TRAF3: variants seen among roughly 807,000 people sequenced by gnomAD.
The protein encoded by TRAF3 is TNF receptor associated factor 3, also known as TNF receptor-associated factor 3.
In TRAF3, 13 loss-of-function variants were observed where a neutral mutation model predicts 62.3. The observed-to-expected ratio is 0.21, with a 90% CI of 0.14 to 0.33. The LOEUF is 0.33. TRAF3 is among the 10% of genes least tolerant of loss of function. The pLI is 1.00. For missense variants in TRAF3, 440 were observed against 741.8 expected (o/e 0.59, Z 4.73); for synonymous variants, 269 against 283.4 (o/e 0.95, Z 0.51).
At chr14:102,864,860 C>T (rs949497265) in intron 2 of TRAF3, among the ~76,000 whole-genome samples, 2 of 152,242 alleles carry the variant, frequency 1.3e-5, no homozygotes, top group Non-Finnish European at 1.5e-5. Flanking sequence ...TGCATGACTG[C>T]GTTGGGCTGA....
chr14:102,814,127 C>T (rs1899367470), intron 1 of TRAF3, among the ~76,000 whole-genome samples: 5 of 152,172 alleles, frequency 3.3e-5, no homozygotes, highest in Non-Finnish European at 7.3e-5. Context: ...CACTCTTCTG[C>T]ATATGGATAT....
chr14:102,894,505 C>T (rs1382453734), intron 9 of TRAF3, among the ~76,000 whole-genome samples: 2 of 151,778 alleles, frequency 1.3e-5, no homozygotes, highest in South Asian at 2.1e-4. Context: ...CCTCCTGGGC[C>T]GGTGTTTTGC....
At chr14:102,792,938 T>C (rs1301996339) in intron 1 of TRAF3, among the ~76,000 whole-genome samples, 1 of 151,906 alleles carries the variant, frequency 6.6e-6, no homozygotes, top group African/African-American at 2.4e-5. Flanking sequence ...GCCTCCCCAG[T>C]AGCTGGGATT....
chr14:102,790,415 C>T (rs1367892328), intron 1 of TRAF3, among the ~76,000 whole-genome samples: 1 of 152,164 alleles, frequency 6.6e-6, no homozygotes, highest in Non-Finnish European at 1.5e-5. Flanking sequence ...AGTCTGTTCT[C>T]ATGCTGCTAA....
intron 4 of TRAF3, among the ~76,000 whole-genome samples, chr14:102,873,393 C>T (rs1051092081): frequency 1.2e-4 from 18 of 152,188 alleles, no homozygotes; most frequent in South Asian, 2.1e-4. Flanking sequence ...GGTACTCGGC[C>T]GCCTTGTTAA....
At chr14:102,812,780 A>G (rs894712606) in intron 1 of TRAF3, among the ~76,000 whole-genome samples, 3 of 151,380 alleles carry the variant, frequency 2.0e-5, no homozygotes, top group Non-Finnish European at 4.4e-5. Context: ...TTAGCCGGGC[A>G]CGGTGGCGGG....
intron 10 of TRAF3, among the ~76,000 whole-genome samples, chr14:102,901,942 G>A (rs1443073780): frequency 6.6e-6 from 1 of 152,236 alleles, no homozygotes; most frequent in African/African-American, 2.4e-5. Context: ...ATTGAGCACT[G>A]AACTCTCCAG....
chr14:102,819,012 G>GCCA (rs1369289913), intron 1 of TRAF3, among the ~76,000 whole-genome samples: 4 of 151,116 alleles, frequency 2.6e-5, no homozygotes, highest in African/African-American at 9.7e-5. Context: ...CTGTGATCAT[G>GCCA]CCACTGCACT....
At chr14:102,845,538 C>T (rs1159404550) in intron 2 of TRAF3, among the ~76,000 whole-genome samples, 5 of 140,084 alleles carry the variant, frequency 3.6e-5, no homozygotes, top group East Asian at 2.1e-4. Flanking sequence ...TTTTTCAAGA[C>T]GGAGTCTCCC....
Position 102,908,141 on chromosome 14 carries a change from C to T in TRAF3, c.*2357C>T, listed in dbSNP as rs1890679311. 1 of 152,230 alleles carries T rather than the reference C, an allele frequency of 6.6e-6. No individual in the cohort carries two copies. Among genetic ancestry groups the T allele is most frequent in the African/African-American group, 2.4e-5 (1 of 41,450 alleles). The allele number at this position is 152,230 out of a possible 1,614,324, so 9.4% of individuals were successfully genotyped here. ...CTCTGGGTTGAAGTCCTGGTGTGGC[C>T]CCCAGAAGCAGCAGTGCGTGTCACT... On this transcript the variant is annotated 3_prime_UTR_variant, in exon 12 of 12. Transcript: ENST00000392745.
At chr14:102,864,911 G>A (rs565984641) in intron 2 of TRAF3, among the ~76,000 whole-genome samples, 1 of 152,328 alleles carries the variant, frequency 6.6e-6, no homozygotes, top group South Asian at 2.1e-4. Context: ...AGGGATGGTT[G>A]TTACTGTCTG....
chr14:102,847,715 T>C (rs1886806992), intron 2 of TRAF3, among the ~76,000 whole-genome samples: 1 of 149,684 alleles, frequency 6.7e-6, no homozygotes, highest in Non-Finnish European at 1.5e-5. Flanking sequence ...TCTTCAGCTG[T>C]TACTTTTTCA....
intron 1 of TRAF3, among the ~76,000 whole-genome samples, chr14:102,787,078 C>T (rs1435994553): frequency 6.6e-6 from 1 of 152,134 alleles, no homozygotes; most frequent in East Asian, 1.9e-4. Context: ...ATTTCTCTTC[C>T]CCTTTCCTTT....
Position 102,870,306 on chromosome 14 carries a change from A to G in TRAF3, c.105A>G (p.Glu35=), listed in dbSNP as rs1566786044. Reference sequence around the variant, plus strand: ...CTGGGACGCCAGTTTTTGTCCCTGAACAAGGAGGTTACAAGGAAAAGTTTG... The same window carrying G: ...CTGGGACGCCAGTTTTTGTCCCTGAGCAAGGAGGTTACAAGGAAAAGTTTG... ...RSAGTPVFVP[E]QGGYKEKFVK... The change falls in exon 3 of 12, where the codon GAA becomes GAG. Residue 35 remains glutamate (E), a synonymous_variant. Transcript: ENST00000392745. The G allele has an allele frequency of 6.2e-7, 1 of 1,614,218 alleles. No individual in the cohort carries two copies.
chr14:102,791,932 C>T (rs1897812310), intron 1 of TRAF3, among the ~76,000 whole-genome samples: 1 of 151,928 alleles, frequency 6.6e-6, no homozygotes, highest in African/African-American at 2.4e-5. Flanking sequence ...CTCACCTCAG[C>T]CTCCTGAGTA....
chr14:102,884,762 A>G (rs1017439898), intron 6 of TRAF3, among the ~76,000 whole-genome samples: 11 of 152,000 alleles, frequency 7.2e-5, no homozygotes, highest in African/African-American at 2.7e-4. Context: ...CTGTGAGCCA[A>G]GATTGCACCA....
intron 1 of TRAF3, among the ~76,000 whole-genome samples, chr14:102,795,536 T>C (rs868725254): frequency 4.6e-5 from 7 of 151,994 alleles, no homozygotes; most frequent in South Asian, 2.1e-4. Context: ...GAGAGTGAGC[T>C]ACTGTGGTGT....
At chr14:102,820,404 C>T (rs964962670) in intron 1 of TRAF3, among the ~76,000 whole-genome samples, 1 of 151,636 alleles carries the variant, frequency 6.6e-6, no homozygotes, top group East Asian at 1.9e-4. Context: ...CACACTCTGC[C>T]CTCTTAGCTG....
At chr14:102,816,628 T>TGGAC (rs1899540508) in intron 1 of TRAF3, among the ~76,000 whole-genome samples, 1 of 152,242 alleles carries the variant, frequency 6.6e-6, no homozygotes, top group South Asian at 2.1e-4. Context: ...GTATTTCTGT[T>TGGAC]GGACCAGAGG....
Sources: gnomAD v4.1 joint callset for allele counts (sites outside exome capture counted in the v4.1 genomes callset) on GRCh38, gnomAD v4.1.1 for gene constraint, MANE v1.5 for transcripts, NCBI Gene and HGNC (gene_info 2026-07-23, HGNC 2026-07-21) for gene names.